PRORP: variants seen among roughly 807,000 people sequenced by gnomAD.
The protein encoded by PRORP is protein only RNase P catalytic subunit, also known as mitochondrial ribonuclease P catalytic subunit.
Under a neutral mutation model 59.4 loss-of-function variants are expected in PRORP, and 51 were observed. That is an observed-to-expected ratio of 0.86 (90% CI 0.69 to 1.08). PRORP has a LOEUF of 1.08. Among genes scored for constraint, PRORP ranks in the 50% least tolerant of loss-of-function variants. The probability of loss-of-function intolerance (pLI) is 0.00; values close to 1 mark genes in which losing one functional copy is unlikely to be tolerated. For synonymous variants in PRORP, 231 were observed against 245.6 expected, an observed-to-expected ratio of 0.94 and a Z score of 0.55; for missense variants, 646 against 690.3, an observed-to-expected ratio of 0.94 and a Z score of 0.72.
chr14:35,211,524 G>C lies in PRORP; in HGVS notation c.1275+30747G>C, dbSNP rs1360908735. ...AATATACGTATACTGCAGAGATATT[G>C]CAAGTTTGGTTCCAAACCACTGCAA... On this transcript the variant is annotated intron_variant, in intron 5 of 7. Transcript: ENST00000534898. Among the ~76,000 whole-genome samples the C allele has an allele frequency of 3.3e-5, 5 of 152,126 alleles. No individual in the cohort carries two copies. The East Asian group carries it at 9.6e-4, about 29-fold the overall frequency.
intron 5 of PRORP, among the ~76,000 whole-genome samples, chr14:35,265,564 GTAAC>G (rs1443125669): frequency 6.6e-6 from 1 of 152,132 alleles, no homozygotes; most frequent in Admixed American, 6.6e-5. Flanking sequence ...TGGGGATAAA[GTAAC>G]TGACTGGAAA....
intron 5 of PRORP, among the ~76,000 whole-genome samples, chr14:35,183,240 G>GCA (rs1262044229): frequency 2.4e-5 from 3 of 123,790 alleles, no homozygotes; most frequent in Admixed American, 8.1e-5. Context: ...ACACACACAC[G>GCA]CACACACACA....
chr14:35,158,817 CT>C, intron 4 of PRORP: 1 of 324,498 alleles, frequency 3.1e-6, no homozygotes. Context: ...CCTGTACAGT[CT>C]TTTTAGTAAT....
chr14:35,227,999 C>T (rs113691834), intron 5 of PRORP, among the ~76,000 whole-genome samples: 9,299 of 152,080 alleles, frequency 0.061, 373 homozygotes, highest in Middle Eastern at 0.11. Context: ...AAAAATTAGC[C>T]GGGCGTGGTG....
intron 5 of PRORP, among the ~76,000 whole-genome samples, chr14:35,240,393 G>A (rs2050333945): frequency 6.9e-6 from 1 of 145,934 alleles, no homozygotes; most frequent in Non-Finnish European, 1.5e-5. Flanking sequence ...ATGCACACAT[G>A]CAGGTAGTTA....
Position 35,180,784 on chromosome 14 carries a change from A to G in PRORP, c.1275+7A>G, listed in dbSNP as rs754311089. The G allele has an allele frequency of 9.0e-6, 14 of 1,551,768 alleles. No individual in the cohort carries two copies. Among genetic ancestry groups the G allele is most frequent in the Middle Eastern group, 1.7e-4 (1 of 5,974 alleles). On this transcript the variant is annotated splice_region_variant and intron_variant, in intron 5 of 7. Transcript: ENST00000534898. ...AGTTCGTGAATCTCAACTTGTAAGTATAAGTTTTACTTTGTTATTCCACAT... is the reference window on the plus strand; with the variant it reads ...AGTTCGTGAATCTCAACTTGTAAGTGTAAGTTTTACTTTGTTATTCCACAT...
intron 4 of PRORP, among the ~76,000 whole-genome samples, chr14:35,146,781 T>C (rs1027152302): frequency 2.6e-5 from 4 of 152,208 alleles, no homozygotes; most frequent in African/African-American, 9.6e-5. Flanking sequence ...ATTTTTTGGT[T>C]ACCCAGGTCG....
intron 5 of PRORP, among the ~76,000 whole-genome samples, chr14:35,250,897 A>G (rs1021197595): frequency 1.3e-5 from 2 of 151,218 alleles, no homozygotes. Flanking sequence ...TCCGTAGGTT[A>G]TTGGGGAAAA....
At chr14:35,271,036 G>A (rs962338619) in intron 7 of PRORP, among the ~76,000 whole-genome samples, 5 of 151,650 alleles carry the variant, frequency 3.3e-5, no homozygotes, top group Non-Finnish European at 5.9e-5. Flanking sequence ...GCAGTGAGCC[G>A]AGATCACGCC....
rs1346289306 is a variant in PRORP at position 35,277,215 on chromosome 14, G to A, written c.*3649G>A. 3.3e-5 allele frequency: 5 copies of A among 152,076 alleles called. No homozygotes were observed. The highest frequency in any genetic ancestry group is 4.8e-5 in the African/African-American group (2 of 41,392). The allele number at this position is 152,076 out of a possible 1,614,324, so 9.4% of individuals were successfully genotyped here. A position where few individuals can be genotyped will look rare whatever the true frequency, so the allele number is the denominator to read the frequency against. On this transcript the variant is annotated 3_prime_UTR_variant, in exon 8 of 8. Transcript: ENST00000534898. ...TAATTTTTGCATTTTTAGTAGAGACGGGTTTTCACCATGTTGCCCCGGTTG... is the reference window on the plus strand; with the variant it reads ...TAATTTTTGCATTTTTAGTAGAGACAGGTTTTCACCATGTTGCCCCGGTTG...
At chr14:35,217,540 C>T (rs1212847459) in intron 5 of PRORP, among the ~76,000 whole-genome samples, 1 of 150,658 alleles carries the variant, frequency 6.6e-6, no homozygotes, top group African/African-American at 2.4e-5. Flanking sequence ...TTGTTTAATC[C>T]AAAGTAACAA....
chr14:35,252,867 A>G (rs2050648603), intron 5 of PRORP, among the ~76,000 whole-genome samples: 1 of 151,912 alleles, frequency 6.6e-6, no homozygotes, highest in Non-Finnish European at 1.5e-5. Context: ...TTATCCTTCC[A>G]TCTCAGTGGC....
intron 5 of PRORP, among the ~76,000 whole-genome samples, chr14:35,224,357 T>G (rs774291604): frequency 6.6e-6 from 1 of 152,180 alleles, no homozygotes; most frequent in African/African-American, 2.4e-5. Context: ...GAACTTGCTG[T>G]GGGATATATG....
At position 35,123,595 on chromosome 14, in the gene PRORP, A is replaced by G. The variant is rs769564380; in HGVS notation, c.350A>G (p.Gln117Arg). The G allele has an allele frequency of 5.0e-6, 8 of 1,614,226 alleles. No homozygotes were observed. In the Admixed American group the frequency reaches 1.3e-4, roughly 27 times the overall value. The part of the protein sequence containing the change: ...PVRNTIQLPT[Q>R]PLNSEEWDKL... ...AGGAACACTATTCAACTCCCAACAC[A>G]ACCTTTGAATTCAGAGGAGTGGGAT... is the stretch of plus-strand genomic sequence containing the variant. The change falls in exon 2 of 8, where the codon CAA becomes CGA. Residue 117 changes from glutamine to arginine, a missense_variant. Coordinates refer to ENST00000534898, the MANE Select transcript of PRORP (RefSeq NM_014672.4).
intron 5 of PRORP, among the ~76,000 whole-genome samples, chr14:35,248,913 G>A (rs1334550465): frequency 6.6e-6 from 1 of 152,148 alleles, no homozygotes; most frequent in African/African-American, 2.4e-5. Flanking sequence ...AAACCGCACT[G>A]GACTAGTGTA....
intron 4 of PRORP, among the ~76,000 whole-genome samples, chr14:35,155,907 T>A (rs763162656): frequency 1.3e-5 from 2 of 152,232 alleles, no homozygotes; most frequent in Non-Finnish European, 2.9e-5. Flanking sequence ...AATTTCTTAA[T>A]AGAGTAGAAC....
intron 6 of PRORP, among the ~76,000 whole-genome samples, chr14:35,269,245 C>T (rs761930220): frequency 6.6e-6 from 1 of 152,072 alleles, no homozygotes; most frequent in Non-Finnish European, 1.5e-5. Flanking sequence ...TGGCATAGCA[C>T]CAAGTACATG....
intron 5 of PRORP, among the ~76,000 whole-genome samples, chr14:35,191,783 G>C (rs537960811): frequency 3.6e-4 from 55 of 152,218 alleles, no homozygotes; most frequent in African/African-American, 1.3e-3. Flanking sequence ...CCACCAAATT[G>C]CTCAAACCAA....
intron 4 of PRORP, among the ~76,000 whole-genome samples, chr14:35,156,959 C>T (rs374797260): frequency 1.1e-4 from 15 of 137,016 alleles, no homozygotes; most frequent in African/African-American, 1.6e-4. Context: ...TTTTTCTTTT[C>T]TTTTTTTTTT....
Sources: allele counts gnomAD v4.1 joint callset (sites outside exome capture counted in the v4.1 genomes callset), GRCh38; gene constraint gnomAD v4.1.1; transcripts MANE v1.5; gene names NCBI Gene and HGNC (gene_info 2026-07-23, HGNC 2026-07-21).